WIPF1: variants seen among roughly 807,000 people sequenced by gnomAD.
The protein encoded by WIPF1 is WAS/WASL interacting protein family member 1.
Under a neutral mutation model 35.4 loss-of-function variants are expected in WIPF1, and 13 were observed. That is an observed-to-expected ratio of 0.37 (90% CI 0.24 to 0.58). The LOEUF (loss-of-function observed/expected upper bound fraction) is 0.58, where lower values mean the gene tolerates loss of function less well. WIPF1 is among the 20% of genes least tolerant of loss of function. The pLI is 0.74. For synonymous variants in WIPF1, 267 were observed against 266.3 expected, an observed-to-expected ratio of 1.00 and a Z score of -0.02; for missense variants, 591 against 667.0, an observed-to-expected ratio of 0.89 and a Z score of 1.25.
At chr2:174,607,589 G>A (rs1559159569) in intron 1 of WIPF1, among the ~76,000 whole-genome samples, 2 of 151,520 alleles carry the variant, frequency 1.3e-5, no homozygotes, top group African/African-American at 4.9e-5. Flanking sequence ...CAAGGTCCTC[G>A]AGGATTTGAC....
chr2:174,593,840 G>C (rs112799206), intron 1 of WIPF1, among the ~76,000 whole-genome samples: 1 of 152,138 alleles, frequency 6.6e-6, no homozygotes, highest in Non-Finnish European at 1.5e-5. Flanking sequence ...AGAAAGGTTC[G>C]TTTCTATTAT....
At chr2:174,565,119 T>C (rs895000680) in intron 7 of WIPF1, among the ~76,000 whole-genome samples, 2 of 152,102 alleles carry the variant, frequency 1.3e-5, no homozygotes, top group Non-Finnish European at 2.9e-5. Context: ...AGTCTCGAAC[T>C]CCTGACCTCA....
At chr2:174,667,328 A>C (rs1455642714) in intron 1 of WIPF1, among the ~76,000 whole-genome samples, 2 of 152,138 alleles carry the variant, frequency 1.3e-5, no homozygotes, top group African/African-American at 2.4e-5. Context: ...TTCTCCCAAA[A>C]TGCTCTTCCT....
chr2:174,571,538 G>A lies in WIPF1; in HGVS notation c.1129+138C>T. ...TTTACACGAGGTCACGATCACACGT[G>A]TCGTGTGCCACTTAAAAGCACAAAG... On this transcript the variant is annotated intron_variant, in intron 5 of 7. Transcript: ENST00000679041. The surrounding 1 kb of genome is among the most constrained non-coding windows in gnomAD (Gnocchi z 4.6). 7 of 1,183,536 alleles carry A rather than the reference G, an allele frequency of 5.9e-6. No individual in the cohort carries two copies. Among genetic ancestry groups the A allele is most frequent in the South Asian group, 1.2e-5 (1 of 82,168 alleles). The allele number at this position is 1,183,536 out of a possible 1,614,324, so 73.3% of individuals were successfully genotyped here.
At chr2:174,670,014 G>A (rs910468214) in intron 1 of WIPF1, among the ~76,000 whole-genome samples, 7 of 152,258 alleles carry the variant, frequency 4.6e-5, no homozygotes, top group Middle Eastern at 3.4e-3. Flanking sequence ...AGGAGGGGAG[G>A]GCACTCTTGC....
intron 1 of WIPF1, among the ~76,000 whole-genome samples, chr2:174,635,159 TGCTGTCAGACA>T (rs1300113005): frequency 1.3e-5 from 2 of 152,224 alleles, no homozygotes; most frequent in Non-Finnish European, 2.9e-5. Flanking sequence ...CATGTGGTCA[TGCTGTCAGACA>T]GTGTGCCCCA....
intron 1 of WIPF1, among the ~76,000 whole-genome samples, chr2:174,610,330 A>G (rs1370224120): frequency 6.6e-6 from 1 of 152,176 alleles, no homozygotes; most frequent in Non-Finnish European, 1.5e-5. Context: ...TTTTCCCCAC[A>G]ACACGGAAGC....
intron 1 of WIPF1, among the ~76,000 whole-genome samples, chr2:174,660,218 ATTC>A (rs1687728821): frequency 6.6e-6 from 1 of 152,184 alleles, no homozygotes; most frequent in Admixed American, 6.5e-5. Flanking sequence ...AGTGGGTGGA[ATTC>A]TTCTTCGCTA....
At chr2:174,623,318 C>T (rs1189403947) in intron 1 of WIPF1, among the ~76,000 whole-genome samples, 5 of 152,208 alleles carry the variant, frequency 3.3e-5, no homozygotes, top group Admixed American at 6.5e-5. Context: ...AAGTCTATCA[C>T]AAGACTGCAC....
At chr2:174,587,677 A>C (rs572618045) in intron 1 of WIPF1, 1 of 152,306 alleles carries the variant, frequency 6.6e-6, no homozygotes, top group East Asian at 1.9e-4. Context: ...TCTGACTCCT[A>C]AGACAGCGGA....
In WIPF1 at chr2:174,622,761, A is replaced by G. The variant is rs936678702; in HGVS notation, c.-38-37150T>C. ...ATTAACTATAAGGAAATTCTTAACA[A>G]TTTTTATTTTTGTTTTTAATTTTTG... is the stretch of plus-strand genomic sequence containing the variant. On this transcript the variant is annotated intron_variant, in intron 1 of 8. Coordinates refer to the WIPF1 transcript ENST00000272746. This position sits in a 1 kb window ranked among gnomAD's most constrained non-coding sequence, Gnocchi z 5.1. Among the ~76,000 whole-genome samples, 5 of 152,118 alleles carry G rather than the reference A, an allele frequency of 3.3e-5. No individual in the cohort carries two copies. Among genetic ancestry groups the G allele is most frequent in the Non-Finnish European group, 5.9e-5 (4 of 68,018 alleles).
intron 1 of WIPF1, among the ~76,000 whole-genome samples, chr2:174,618,898 A>C (rs1686594346): frequency 6.6e-6 from 1 of 152,120 alleles, no homozygotes; most frequent in South Asian, 2.1e-4. Flanking sequence ...ATTGTCTCAC[A>C]ATTAGCATTT....
chr2:174,613,104 C>T (rs1574835709), intron 1 of WIPF1, among the ~76,000 whole-genome samples: 1 of 151,690 alleles, frequency 6.6e-6, no homozygotes, highest in East Asian at 2.0e-4. Flanking sequence ...GCCTCAAAGG[C>T]AAAAGCAGGA....
At position 174,571,119 on chromosome 2, in the gene WIPF1, A is replaced by C. The variant is rs1684818351; in HGVS notation, c.1129+557T>G. On this transcript the variant is annotated intron_variant, in intron 5 of 7. Transcript: ENST00000679041. This position sits in a 1 kb window ranked among gnomAD's most constrained non-coding sequence, Gnocchi z 4.6. ...TTTTGTAAAGATAGTCTATACCTTT[A>C]TTTGATTCTCCAAGGGATTTATGTA... 1 of 173,342 alleles carries C rather than the reference A, an allele frequency of 5.8e-6. No homozygotes were observed. The highest frequency in any genetic ancestry group is 5.4e-5 in the Admixed American group (1 of 18,556). The allele number at this position is 173,342 out of a possible 1,614,324, so 10.7% of individuals were successfully genotyped here.
chr2:174,569,536 T>C (rs1335998526), intron 5 of WIPF1, among the ~76,000 whole-genome samples: 1 of 152,180 alleles, frequency 6.6e-6, no homozygotes, highest in East Asian at 1.9e-4. Context: ...TTAAAGTAAA[T>C]GGTCATGTTC....
chr2:174,618,144 A>G (rs1686566871), intron 1 of WIPF1, among the ~76,000 whole-genome samples: 1 of 152,314 alleles, frequency 6.6e-6, no homozygotes, highest in Non-Finnish European at 1.5e-5. Context: ...TAATTAAAAG[A>G]CCTTCCTTTG....
chr2:174,611,485 A>G (rs1412184671), intron 1 of WIPF1, among the ~76,000 whole-genome samples: 1 of 152,222 alleles, frequency 6.6e-6, no homozygotes, highest in East Asian at 1.9e-4. Context: ...TCCTCAAAGG[A>G]AAGGACTTTA....
chr2:174,650,167 C>T (rs370225312), intron 1 of WIPF1, among the ~76,000 whole-genome samples: 1 of 152,278 alleles, frequency 6.6e-6, no homozygotes, highest in East Asian at 1.9e-4. Context: ...CTCCCAGGTA[C>T]AGCTGTGCCC....
In WIPF1 at chr2:174,575,292, TCCACCGCCTCCGCCA is replaced by T. The variant is rs561738348; in HGVS notation, c.255_269del (p.Gly86_Gly90del). 91 of 1,613,530 alleles carry T rather than the reference TCCACCGCCTCCGCCA, an allele frequency of 5.6e-5. No individual in the cohort carries two copies. The African/African-American group carries it at 9.2e-4, about 16-fold the overall frequency. ...CTGGAGGTCCGCCCCCTCCAAAACT[TCCACCGCCTCCGCCA>T]CCACCTCCTCCGCCAAATCCGCCGC... is the stretch of plus-strand genomic sequence containing the variant. On this transcript the variant is annotated inframe_deletion, in exon 4 of 8. Coordinates refer to ENST00000679041, the MANE Select transcript of WIPF1 (RefSeq NM_001375834.1).
Sources: gnomAD v4.1 joint callset for allele counts (sites outside exome capture counted in the v4.1 genomes callset) on GRCh38, gnomAD v4.1.1 for gene constraint, Gnocchi (gnomAD v3.1) non-coding constraint, MANE v1.5 for transcripts, NCBI Gene and HGNC (gene_info 2026-07-23, HGNC 2026-07-21) for gene names.